Variants in TRAF3 observed in about 807,000 individuals in gnomAD.
TRAF3 encodes the protein TNF receptor-associated factor 3.
A neutral mutation model predicts 62.3 loss-of-function variants in TRAF3; 13 were observed. The observed-to-expected ratio is 0.21, with a 90% CI of 0.14 to 0.33. The LOEUF is 0.33. Ranked by LOEUF, TRAF3 falls within the 10% of genes least tolerant of loss-of-function variation. The probability of loss-of-function intolerance (pLI) is 1.00; values close to 1 mark genes in which losing one functional copy is unlikely to be tolerated. For missense variants in TRAF3, 440 were observed against 741.8 expected (o/e 0.59, Z 4.73); for synonymous variants, 269 against 283.4 (o/e 0.95, Z 0.51).
At chr14:102,819,926 T>C (rs988336232) in intron 1 of TRAF3, among the ~76,000 whole-genome samples, 2 of 152,238 alleles carry the variant, frequency 1.3e-5, no homozygotes, top group Non-Finnish European at 2.9e-5. Context: ...GATTTTCAAA[T>C]TGCAGAGAAG....
At chr14:102,886,374 G>C in intron 7 of TRAF3, 105 bp downstream of exon 7, 1 of 1,016,694 alleles carries the variant, frequency 9.8e-7, no homozygotes, top group Non-Finnish European at 1.5e-6. Context: ...CAGTTCGTGA[G>C]AGTCATGTGT....
chr14:102,867,218 G>C (rs1888050947), intron 2 of TRAF3, among the ~76,000 whole-genome samples: 1 of 152,188 alleles, frequency 6.6e-6, no homozygotes, highest in Non-Finnish European at 1.5e-5. Context: ...CCAGAGCAAG[G>C]ACTGGTAAAC....
At chr14:102,882,371 TTC>T in intron 6 of TRAF3, among the ~76,000 whole-genome samples, 1 of 152,298 alleles carries the variant, frequency 6.6e-6, no homozygotes, top group East Asian at 1.9e-4. Flanking sequence ...GTGTGTCAGC[TTC>T]TCTCAGGGCC....
At chr14:102,873,550 T>A (rs1383209661) in intron 4 of TRAF3, among the ~76,000 whole-genome samples, 1 of 152,176 alleles carries the variant, frequency 6.6e-6, no homozygotes, top group Non-Finnish European at 1.5e-5. Flanking sequence ...TATCAAAGAA[T>A]CATGAACGAG....
At chr14:102,860,032 C>G (rs1887591489) in intron 2 of TRAF3, among the ~76,000 whole-genome samples, 1 of 152,190 alleles carries the variant, frequency 6.6e-6, no homozygotes, top group Non-Finnish European at 1.5e-5. Flanking sequence ...CCAGGCAACC[C>G]AGAGCCAATC....
chr14:102,813,664 T>C (rs1899339398), intron 1 of TRAF3, among the ~76,000 whole-genome samples: 1 of 151,998 alleles, frequency 6.6e-6, no homozygotes, highest in East Asian at 1.9e-4. Flanking sequence ...TTGGCCAGGC[T>C]GGTCTTGAAC....
At chr14:102,811,323 G>C (rs980320928) in intron 1 of TRAF3, among the ~76,000 whole-genome samples, 1 of 150,096 alleles carries the variant, frequency 6.7e-6, no homozygotes, top group African/African-American at 2.5e-5. Context: ...TCTTAAGAGA[G>C]AGTCTTGCTA....
chr14:102,898,988 C>T (rs1210911765), intron 10 of TRAF3, among the ~76,000 whole-genome samples: 1 of 152,192 alleles, frequency 6.6e-6, no homozygotes, highest in East Asian at 1.9e-4. Flanking sequence ...GCCTCTTCCC[C>T]ACAGGAGGCT....
At chr14:102,837,914 C>G (rs921258570) in intron 2 of TRAF3, among the ~76,000 whole-genome samples, 1 of 152,174 alleles carries the variant, frequency 6.6e-6, no homozygotes, top group African/African-American at 2.4e-5. Flanking sequence ...CCCTGGCCAG[C>G]AGAGTTGGAG....
chr14:102,836,725 CAAA>C (rs1566765262), intron 2 of TRAF3, among the ~76,000 whole-genome samples: 2 of 152,140 alleles, frequency 1.3e-5, no homozygotes, highest in Non-Finnish European at 2.9e-5. Context: ...ATATTACAAT[CAAA>C]GAAGTGTTAC....
intron 9 of TRAF3, 101 bp from the exon 10 acceptor site, chr14:102,897,160 A>G: frequency 1.1e-5 from 12 of 1,077,536 alleles, no homozygotes; most frequent in Non-Finnish European, 1.6e-5. Flanking sequence ...CTCTGTCAAT[A>G]AGCTAACAGA....
chr14:102,885,594 G>A (rs80095082), intron 6 of TRAF3, among the ~76,000 whole-genome samples: 3,650 of 152,286 alleles, frequency 0.024, 166 homozygotes, highest in African/African-American at 0.084. Flanking sequence ...GTGCTATTAG[G>A]GAAGGCCTAA....
chr14:102,819,555 C>A (rs971570105), intron 1 of TRAF3, among the ~76,000 whole-genome samples: 26 of 152,204 alleles, frequency 1.7e-4, no homozygotes, highest in African/African-American at 6.3e-4. Context: ...TCTCTCCTGG[C>A]CATTAAAGGT....
rs575944877 is a variant in TRAF3 at position 102,839,909 on chromosome 14, C to T, written c.-18+9437C>T. Among the ~76,000 whole-genome samples the T allele has an allele frequency of 5.3e-5, 8 of 152,280 alleles. No homozygotes were observed. In the East Asian group the frequency reaches 1.5e-3, roughly 29 times the overall value. ...GCATAATGTTTCACATCGAAGTAAT[C>T]TCTTTTTCAAAGACATCTCTGAGAA... is the stretch of plus-strand genomic sequence containing the variant. On this transcript the variant is annotated intron_variant, in intron 2 of 11. Transcript: ENST00000392745.
At chr14:102,863,470 C>G (rs1201318651) in intron 2 of TRAF3, among the ~76,000 whole-genome samples, 1 of 152,164 alleles carries the variant, frequency 6.6e-6, no homozygotes, top group Admixed American at 6.5e-5. Flanking sequence ...TATGTTGGAG[C>G]ACACCTTCAA....
intron 11 of TRAF3, among the ~76,000 whole-genome samples, chr14:102,904,909 C>T (rs1181815927): frequency 4.0e-5 from 6 of 151,340 alleles, no homozygotes; most frequent in Admixed American, 1.3e-4. Flanking sequence ...GTCAGAAGTT[C>T]GAGACCAGCC....
Position 102,886,607 on chromosome 14 carries a change from C to T in TRAF3, c.651+338C>T, listed in dbSNP as rs549230572. 5.0e-3 allele frequency among the ~76,000 whole-genome samples: 756 copies of T among 152,022 alleles called. 3 individuals are homozygous for T. The highest frequency in any genetic ancestry group is 6.6e-3 in the Non-Finnish European group (446 of 67,948). On this transcript the variant is annotated intron_variant, in intron 7 of 11. Transcript: ENST00000392745. The stretch of plus-strand genomic sequence containing the variant: ...CCCGTCTCTACTAAAAGTACAAAAA[C>T]TAGCCAGGTGTGGTGGCGCGCACCT...
At chr14:102,852,391 TC>T (rs1887097542) in intron 2 of TRAF3, among the ~76,000 whole-genome samples, 2 of 152,204 alleles carry the variant, frequency 1.3e-5, no homozygotes, top group South Asian at 4.1e-4. Context: ...GTGTTGTTGT[TC>T]CAGCCTGGGA....
At chr14:102,862,347 T>C (rs1162169706) in intron 2 of TRAF3, among the ~76,000 whole-genome samples, 2 of 149,456 alleles carry the variant, frequency 1.3e-5, no homozygotes, top group East Asian at 3.9e-4. Context: ...TGCCGTGAGC[T>C]ATGATTGCAC....
Sources: allele counts gnomAD v4.1 joint callset (sites outside exome capture counted in the v4.1 genomes callset), GRCh38; gene constraint gnomAD v4.1.1; transcripts MANE v1.5; gene names NCBI Gene and HGNC (gene_info 2026-07-23, HGNC 2026-07-21).